LBR: variants seen among roughly 807,000 people sequenced by gnomAD.
The protein encoded by LBR is delta(14)-sterol reductase LBR.
A neutral mutation model predicts 74.3 loss-of-function variants in LBR; 28 were observed. The ratio of observed to expected loss-of-function variants is 0.38; its 90% CI spans 0.28 to 0.52. The LOEUF is 0.52. Ranked by LOEUF, LBR falls within the 20% of genes least tolerant of loss-of-function variation. LBR has a pLI of 0.89. For synonymous variants in LBR, 228 were observed against 269.3 expected (o/e 0.85, Z 1.50); for missense variants, 717 against 760.3 (o/e 0.94, Z 0.67).
Position 225,403,455 on chromosome 1 carries a change from G to T in LBR, c.1696C>A (p.His566Asn). The T allele has an allele frequency of 2.5e-6, 4 of 1,608,406 alleles. No homozygotes were observed. Among genetic ancestry groups the T allele is most frequent in the Non-Finnish European group, 3.4e-6 (4 of 1,175,206 alleles). The change falls in exon 14 of 14, where the codon CAC (histidine) becomes AAC (asparagine). Residue 566 changes from histidine (H) to asparagine (N), a missense_variant. Transcript: ENST00000272163. ...ATTATGTAGAAATAAGGCAGAATGT[G>T]GTTAAAACCTGTGGATAATAATAGT... ...LAWSLPCGFN[H>N]ILPYFYIIYF...
chr1:225,410,074 G>C (rs1272388889), intron 10 of LBR, among the ~76,000 whole-genome samples: 1 of 152,156 alleles, frequency 6.6e-6, no homozygotes. Flanking sequence ...CACAAGAACA[G>C]CTGATAAACA....
chr1:225,416,248 A>ATGCATCAG (rs1227976512), intron 6 of LBR, among the ~76,000 whole-genome samples: 1 of 151,682 alleles, frequency 6.6e-6, no homozygotes, highest in East Asian at 1.9e-4. Flanking sequence ...AGCACGCATC[A>ATGCATCAG]TGCATCAGAA....
rs1042815153 is a variant in LBR at position 225,423,964 on chromosome 1, T to A, written c.112A>T (p.Thr38Ser). Residue 38 changes from threonine to serine, a missense_variant, in exon 2 of 14, where the codon ACT becomes TCT. By Grantham distance (58) the Thr-to-Ser change is moderately conservative (BLOSUM62 1). Transcript: ENST00000272163. The part of the protein sequence containing the change: ...LSHDSTSQLY[T>S]VKYKDGTELE... ...TCTGTTCCATCTTTATACTTCACAGTGTAAAGCTGGGAGGTGCTGTCGTGG... is the reference window on the plus strand; with the variant it reads ...TCTGTTCCATCTTTATACTTCACAGAGTAAAGCTGGGAGGTGCTGTCGTGG... 2.5e-6 allele frequency: 4 copies of A among 1,613,832 alleles called. No individual in the cohort carries two copies. In the African/African-American group the frequency reaches 5.3e-5, roughly 22 times the overall value.
rs2096092539 is a variant in LBR at position 225,406,741 on chromosome 1, C to T, written c.1406G>A (p.Ser469Asn). The change falls in exon 11 of 14, where the codon AGC (serine) becomes AAC (asparagine). Residue 469 changes from serine (S) to asparagine (N), a missense_variant. Coordinates refer to ENST00000272163, the MANE Select transcript of LBR (RefSeq NM_002296.4). ...ACTGACTAAATAAAAGGCTTGGAAG[C>T]TGTAAATAAAGGGAACCCACACCAA... is the stretch of plus-strand genomic sequence containing the variant. The part of the protein sequence containing the change: ...GDLVWVPFIY[S>N]FQAFYLVSHP... 4 of 1,614,068 alleles carry T rather than the reference C, an allele frequency of 2.5e-6. No homozygotes were observed. Among genetic ancestry groups the T allele is most frequent in the Middle Eastern group, 1.6e-4 (1 of 6,062 alleles).
In LBR at chr1:225,419,287, C is replaced by CCTT. The variant is rs751322426; in HGVS notation, c.613_615dup (p.Lys205dup). The stretch of plus-strand genomic sequence containing the variant: ...CCAGGTACTCCTCCAAACTCCAAGT[C>CCTT]CTTTGCCCGGATGGGGGTCACTTCA... On this transcript the variant is annotated inframe_insertion, in exon 5 of 14. Coordinates refer to ENST00000272163, the MANE Select transcript of LBR (RefSeq NM_002296.4). 1.9e-6 allele frequency: 3 copies of CCTT among 1,614,198 alleles called. No homozygotes were observed. The South Asian group carries it at 3.3e-5, about 18-fold the overall frequency.
upstream of LBR, among the ~76,000 whole-genome samples, chr1:225,428,295 G>A (rs529479375): frequency 6.6e-6 from 1 of 152,202 alleles, no homozygotes; most frequent in African/African-American, 2.4e-5. Flanking sequence ...TGGCGGGGCG[G>A]CCCGGAGCGC....
chr1:225,404,333 C>T, intron 13 of LBR, 71 bp downstream of exon 13: 2 of 1,606,236 alleles, frequency 1.2e-6, no homozygotes, highest in Non-Finnish European at 1.7e-6. Context: ...CACTGTCCCA[C>T]ACAAAGGACA....
chr1:225,424,552 C>T (rs1575232534), intron 1 of LBR, among the ~76,000 whole-genome samples: 3 of 152,236 alleles, frequency 2.0e-5, no homozygotes, highest in East Asian at 3.9e-4. Context: ...ATGACTATAA[C>T]CCAACAATAG....
intron 5 of LBR, 29 bp downstream of exon 5, chr1:225,419,234 C>A (rs1345924039): frequency 6.2e-7 from 1 of 1,610,590 alleles, no homozygotes; most frequent in South Asian, 1.1e-5. Context: ...ACCCCACCTG[C>A]CCTCTCTGGG....
At chr1:225,405,595 T>TTCCACCC (rs1295212329) in intron 11 of LBR, among the ~76,000 whole-genome samples, 1 of 152,130 alleles carries the variant, frequency 6.6e-6, no homozygotes. Flanking sequence ...TCCTTCCACC[T>TTCCACCC]TCCACCCTGG....
Position 225,419,269 on chromosome 1 carries a change from C to G in LBR, c.634G>C (p.Val212Leu). 1 of 1,614,174 alleles carries G rather than the reference C, an allele frequency of 6.2e-7. No homozygotes were observed. Among genetic ancestry groups the G allele is most frequent in the Non-Finnish European group, 8.5e-7 (1 of 1,179,984 alleles). The change falls in exon 5 of 14, where the codon GTA becomes CTA. Residue 212 changes from valine to leucine, a missense_variant. Transcript: ENST00000272163. ...GCCCAGCTCTGAGGCCTACCAGGTA[C>G]TCCTCCAAACTCCAAGTCCTTTGCC... Reference protein sequence around the residue: ...IRAKDLEFGGVPGVFLIMFGL... With the variant: ...IRAKDLEFGGLPGVFLIMFGL...
In LBR at chr1:225,404,470, C is replaced by A. The variant is rs749446927; in HGVS notation, c.1621G>T (p.Gly541Cys). Residue 541 changes from glycine to cysteine, a missense_variant, in exon 13 of 14, where the codon GGC (glycine) becomes TGC (cysteine). Gly to Cys is a radical substitution (Grantham distance 159). Coordinates refer to ENST00000272163, the MANE Select transcript of LBR (RefSeq NM_002296.4). ...GKNLLVSGWWGFVRHPNYLGD... is the reference protein window; with the variant it reads ...GKNLLVSGWWCFVRHPNYLGD... ...AAGTAATTGGGGTGGCGAACAAAGC[C>A]CCACCATCCAGAAACTAGAAGATTT... 2 of 1,613,828 alleles carry A rather than the reference C, an allele frequency of 1.2e-6. No homozygotes were observed. The highest frequency in any genetic ancestry group is 2.7e-5 in the African/African-American group (2 of 74,880).
intron 5 of LBR, 57 bp downstream of exon 5, chr1:225,419,206 G>A (rs1367716612): frequency 1.7e-5 from 27 of 1,549,412 alleles, no homozygotes; most frequent in Non-Finnish European, 2.3e-5. Context: ...TTCACCTTGT[G>A]GCAACCACCC....
chr1:225,408,226 T>C (rs1184466919), intron 10 of LBR, among the ~76,000 whole-genome samples: 1 of 152,250 alleles, frequency 6.6e-6, no homozygotes, highest in Non-Finnish European at 1.5e-5. Context: ...TCCTCTGTTC[T>C]ACTTTATACT....
intron 1 of LBR, chr1:225,427,648 C>T (rs1212950806): frequency 6.6e-6 from 1 of 152,486 alleles, no homozygotes; most frequent in Non-Finnish European, 1.5e-5. Context: ...TCCACAGCCG[C>T]GCCGCGCCGC....
At chr1:225,416,992 A>C (rs1449138607) in intron 6 of LBR, among the ~76,000 whole-genome samples, 1 of 152,116 alleles carries the variant, frequency 6.6e-6, no homozygotes, top group Non-Finnish European at 1.5e-5. Flanking sequence ...GCATAATATT[A>C]ATATATATTT....
intron 2 of LBR, chr1:225,422,506 G>A (rs539781940): frequency 3.7e-6 from 2 of 547,236 alleles, no homozygotes; most frequent in Admixed American, 3.0e-5. Context: ...TTCTTTGAAG[G>A]TATTTCCATG....
At chr1:225,411,464 C>G (rs2096105463) in intron 8 of LBR, 24 bp from the exon 9 acceptor site, 1 of 1,560,598 alleles carries the variant, frequency 6.4e-7, no homozygotes, top group South Asian at 1.1e-5. Context: ...AGTGTTTACC[C>G]AAACAGCATT....
chr1:225,416,668 T>C (rs1558654890), intron 6 of LBR, among the ~76,000 whole-genome samples: 1 of 152,340 alleles, frequency 6.6e-6, no homozygotes, highest in East Asian at 1.9e-4. Context: ...CAGCCCTCCG[T>C]ATCGACGGGA....
Sources: allele counts gnomAD v4.1 joint callset (sites outside exome capture counted in the v4.1 genomes callset), GRCh38; gene constraint gnomAD v4.1.1; transcripts MANE v1.5; gene names NCBI Gene and HGNC (gene_info 2026-07-23, HGNC 2026-07-21).